The following MINDY4 variants were observed in gnomAD, a reference collection of about 807,000 sequenced individuals.
The protein encoded by MINDY4 is probable ubiquitin carboxyl-terminal hydrolase MINDY-4.
In MINDY4, 68 loss-of-function variants were observed where a neutral mutation model predicts 87.0. That is an observed-to-expected ratio of 0.78 (90% CI 0.64 to 0.96). MINDY4 has a LOEUF of 0.96. Among genes scored for constraint, MINDY4 ranks in the 40% least tolerant of loss-of-function variants. The pLI is 0.00. For synonymous variants in MINDY4, 379 were observed against 363.2 expected (o/e 1.04, Z -0.50); for missense variants, 919 against 928.2 (o/e 0.99, Z 0.13).
chr7:30,852,053 G>A (rs904075524), intron 10 of MINDY4, among the ~76,000 whole-genome samples, 163 bp from the exon 11 acceptor site: 2 of 151,932 alleles, frequency 1.3e-5, no homozygotes, highest in African/African-American at 4.8e-5. Context: ...CAGCCTAGTG[G>A]GTGAGTTCAA....
intron 5 of MINDY4, among the ~76,000 whole-genome samples, chr7:30,819,625 C>G (rs1460916669): frequency 1.3e-5 from 2 of 152,084 alleles, no homozygotes; most frequent in East Asian, 3.8e-4. Context: ...CCTCGTAGTT[C>G]TGTCAAATTT....
At chr7:30,801,142 C>T (rs1289965600) in intron 5 of MINDY4, among the ~76,000 whole-genome samples, 5 of 152,060 alleles carry the variant, frequency 3.3e-5, no homozygotes, top group South Asian at 2.1e-4. Context: ...TTGTGCCAGC[C>T]GGGACTTGGA....
chr7:30,819,313 TG>T (rs1788252896), intron 5 of MINDY4, among the ~76,000 whole-genome samples: 1 of 152,244 alleles, frequency 6.6e-6, no homozygotes, highest in Admixed American at 6.5e-5. Flanking sequence ...TGGGTTATTT[TG>T]GGGGAGTGTA....
At chr7:30,884,623 C>G (rs1262184104) in intron 17 of MINDY4, among the ~76,000 whole-genome samples, 2 of 152,204 alleles carry the variant, frequency 1.3e-5, no homozygotes, top group African/African-American at 2.4e-5. Flanking sequence ...CTCTGAAGGC[C>G]TCCGTCTGAC....
At chr7:30,860,478 C>T (rs182940103) in intron 13 of MINDY4, among the ~76,000 whole-genome samples, 85 of 152,298 alleles carry the variant, frequency 5.6e-4, no homozygotes, top group African/African-American at 1.9e-3. Flanking sequence ...ATAAGCTGCA[C>T]CACCTTCTCC....
chr7:30,834,217 G>T (rs1176361827), intron 6 of MINDY4, among the ~76,000 whole-genome samples: 2 of 152,368 alleles, frequency 1.3e-5, no homozygotes, highest in East Asian at 3.9e-4. Context: ...GCAAACTTCT[G>T]CCTGGACATC....
At chr7:30,863,588 G>A (rs1358937552) in intron 13 of MINDY4, among the ~76,000 whole-genome samples, 3 of 152,200 alleles carry the variant, frequency 2.0e-5, no homozygotes, top group African/African-American at 7.2e-5. Context: ...TTGCACCAAA[G>A]TCAGTGCCTC....
chr7:30,825,961 TC>T lies in MINDY4; in HGVS notation c.1074-2716del, dbSNP rs1286755539. On this transcript the variant is annotated intron_variant, in intron 5 of 17. Coordinates refer to ENST00000265299, the MANE Select transcript of MINDY4 (RefSeq NM_032222.3). The stretch of plus-strand genomic sequence containing the variant: ...TTGAGGATCCAGGGGAGAATTTGTT[TC>T]CTTGCCCTTTTCACCTTCTAGTACC... Among the ~76,000 whole-genome samples, 5 of 152,322 alleles carry T rather than the reference TC, an allele frequency of 3.3e-5. No homozygotes were observed. In the East Asian group the frequency reaches 9.6e-4, roughly 29 times the overall value.
intron 5 of MINDY4, among the ~76,000 whole-genome samples, chr7:30,819,867 T>C (rs980730825): frequency 6.6e-6 from 1 of 151,856 alleles, no homozygotes; most frequent in African/African-American, 2.4e-5. Context: ...TTTTGTATCA[T>C]GTGTCTTAAA....
intron 2 of MINDY4, among the ~76,000 whole-genome samples, chr7:30,779,236 C>T (rs930633386): frequency 6.6e-6 from 1 of 152,224 alleles, no homozygotes; most frequent in Non-Finnish European, 1.5e-5. Flanking sequence ...ATACCTTGGA[C>T]ACAGCAGAAG....
At chr7:30,795,759 C>T (rs1487388120) in intron 5 of MINDY4, among the ~76,000 whole-genome samples, 1 of 152,162 alleles carries the variant, frequency 6.6e-6, no homozygotes, top group East Asian at 1.9e-4. Context: ...GAATCTGTTT[C>T]TTTGCCTTTT....
chr7:30,796,236 T>C, intron 5 of MINDY4, among the ~76,000 whole-genome samples: 1 of 152,164 alleles, frequency 6.6e-6, no homozygotes, highest in East Asian at 1.9e-4. Flanking sequence ...CCTGTCTCAC[T>C]GTCACATCTG....
At chr7:30,774,665 C>G (rs997163476) in intron 1 of MINDY4, among the ~76,000 whole-genome samples, 20 of 152,026 alleles carry the variant, frequency 1.3e-4, no homozygotes, top group African/African-American at 4.6e-4. Context: ...AATTTTTAGT[C>G]CTCGCCCTTC....
chr7:30,773,724 G>A (rs543694846), intron 1 of MINDY4, among the ~76,000 whole-genome samples: 141 of 152,124 alleles, frequency 9.3e-4, no homozygotes, highest in Non-Finnish European at 1.7e-3. Context: ...CCAGTACTGC[G>A]CCCTTTCTGT....
intron 5 of MINDY4, among the ~76,000 whole-genome samples, chr7:30,809,274 A>G (rs1787911646): frequency 6.6e-6 from 1 of 152,016 alleles, no homozygotes; most frequent in South Asian, 2.1e-4. Flanking sequence ...AATGCATTCA[A>G]TCTGTAGCGG....
intron 5 of MINDY4, among the ~76,000 whole-genome samples, chr7:30,812,321 A>G (rs1680908625): frequency 6.6e-6 from 1 of 152,042 alleles, no homozygotes; most frequent in African/African-American, 2.4e-5. Flanking sequence ...AAGTAAGGCA[A>G]ATGTTAACAA....
At chr7:30,807,375 CA>C (rs1339744192) in intron 5 of MINDY4, among the ~76,000 whole-genome samples, 1 of 152,168 alleles carries the variant, frequency 6.6e-6, no homozygotes, top group Non-Finnish European at 1.5e-5. Context: ...TGCCCCTGCT[CA>C]GCTCCCTAAC....
Position 30,865,136 on chromosome 7 carries a change from A to T in MINDY4, c.1745+5812A>T, listed in dbSNP as rs569439572. On this transcript the variant is annotated intron_variant, in intron 13 of 17. Transcript: ENST00000265299. Reference sequence around the variant, plus strand: ...GCCACCCAGACCAGGAGCCTGACCCATGGGCTCCCGTCTCTGCACCGACAC... The same window carrying T: ...GCCACCCAGACCAGGAGCCTGACCCTTGGGCTCCCGTCTCTGCACCGACAC... Among the ~76,000 whole-genome samples the T allele has an allele frequency of 3.9e-5, 6 of 152,296 alleles. No individual in the cohort carries two copies. In the South Asian group the frequency reaches 1.2e-3, roughly 32 times the overall value.
In MINDY4 at chr7:30,781,999, C is replaced by T. The variant is rs1787020408; in HGVS notation, c.206C>T (p.Thr69Ile). ...TAGGCAAAGGAAAATCCTCTAAAAA[C>T]AAGCCTTGAACTCATCACCAGATAC... is the stretch of plus-strand genomic sequence containing the variant. ...ENKAKENPLK[T>I]SLELITRYFL... Residue 69 changes from threonine to isoleucine, a missense_variant, in exon 3 of 18, where the codon ACA becomes ATA. Physicochemically the swap from Thr to Ile is moderately conservative, Grantham distance 89. Transcript: ENST00000265299. 2.5e-6 allele frequency: 4 copies of T among 1,613,076 alleles called. No individual in the cohort carries two copies. Among genetic ancestry groups the T allele is most frequent in the African/African-American group, 1.3e-5 (1 of 74,814 alleles).
Sources: gnomAD v4.1 joint callset for allele counts (sites outside exome capture counted in the v4.1 genomes callset) on GRCh38, gnomAD v4.1.1 for gene constraint, MANE v1.5 for transcripts, NCBI Gene and HGNC (gene_info 2026-07-23, HGNC 2026-07-21) for gene names.